STRN3: variants seen among roughly 807,000 people sequenced by gnomAD.
The protein encoded by STRN3 is striatin 3.
Under a neutral mutation model 95.6 loss-of-function variants are expected in STRN3, and 29 were observed. The ratio of observed to expected loss-of-function variants is 0.30; its 90% CI spans 0.23 to 0.41. The LOEUF is 0.41. Among genes scored for constraint, STRN3 ranks in the 10% least tolerant of loss-of-function variants. The probability of loss-of-function intolerance (pLI) is 1.00; values close to 1 mark genes in which losing one functional copy is unlikely to be tolerated. For missense variants in STRN3, 890 were observed against 972.1 expected (o/e 0.92, Z 1.12); for synonymous variants, 331 against 357.6 (o/e 0.93, Z 0.84).
intron 1 of STRN3, among the ~76,000 whole-genome samples, chr14:30,979,668 C>T (rs538171671): frequency 1.3e-5 from 2 of 152,166 alleles, no homozygotes; most frequent in Admixed American, 1.3e-4. Context: ...GGCACCATCT[C>T]GGCTCACTGA....
chr14:30,980,928 T>TA (rs1396405229), intron 1 of STRN3, among the ~76,000 whole-genome samples: 3 of 151,916 alleles, frequency 2.0e-5, no homozygotes, highest in East Asian at 3.9e-4. Flanking sequence ...AAAAAAAACT[T>TA]AAATATTTTA....
rs778871263 is a variant in STRN3 at position 31,026,189 on chromosome 14, G to A, written c.-4C>T. The A allele has an allele frequency of 2.1e-6, 3 of 1,439,484 alleles. No homozygotes were observed. Among genetic ancestry groups the A allele is most frequent in the Non-Finnish European group, 9.0e-7 (1 of 1,106,376 alleles). The allele number at this position is 1,439,484 out of a possible 1,614,324, so 89.2% of individuals were successfully genotyped here. On this transcript the variant is annotated 5_prime_UTR_variant, in exon 1 of 18. Transcript: ENST00000357479. ...CGCCTCCGGCAAGCTCGTCCATTGTGTGTGGGGCCCCGGCCGGGGCGCAGG... is the reference window on the plus strand; with the variant it reads ...CGCCTCCGGCAAGCTCGTCCATTGTATGTGGGGCCCCGGCCGGGGCGCAGG...
chr14:30,908,020 C>T (rs972304549), intron 13 of STRN3, among the ~76,000 whole-genome samples: 1 of 152,274 alleles, frequency 6.6e-6, no homozygotes, highest in African/African-American at 2.4e-5. Context: ...TATCCCCCAT[C>T]TTCTTGCTGC....
At chr14:30,914,771 T>C (rs559179637) in intron 9 of STRN3, among the ~76,000 whole-genome samples, 25 of 152,354 alleles carry the variant, frequency 1.6e-4, no homozygotes, top group Admixed American at 1.6e-3. Flanking sequence ...CTGATCAGAT[T>C]TGCCATTTCA....
chr14:30,901,704 AAAACAAAC>A (rs895517870), intron 16 of STRN3, among the ~76,000 whole-genome samples: 2 of 152,264 alleles, frequency 1.3e-5, no homozygotes, highest in South Asian at 2.1e-4. Flanking sequence ...AAAGAGGCCC[AAAACAAAC>A]AAACAAACAA....
chr14:30,913,554 C>G lies in STRN3; in HGVS notation c.1344G>C (p.Thr448=), dbSNP rs753241184. 3.1e-6 allele frequency: 5 copies of G among 1,612,504 alleles called. No homozygotes were observed. Residue 448 remains threonine, a synonymous_variant, in exon 10 of 18, where the codon ACG becomes ACC. Transcript: ENST00000357479. ...VLGLGDLADL[T]VTNDADYSYD... is the part of the protein sequence containing the mutation. The stretch of plus-strand genomic sequence containing the variant: ...AACTATAGTCTGCATCATTTGTTAC[C>G]GTCAAGTCTGCAAGGTCTCCAAGGC...
In STRN3 at chr14:30,957,741, A is replaced by G. The variant is rs542525081; in HGVS notation, c.283-1499T>C. ...TGTCAGCCTGCTTTAACCACCTCAC[A>G]CTAAAGAATAATGTTGAAAGAGACT... On this transcript the variant is annotated intron_variant, in intron 1 of 17. Coordinates refer to ENST00000357479, the MANE Select transcript of STRN3 (RefSeq NM_001083893.2). Among the ~76,000 whole-genome samples the G allele has an allele frequency of 1.1e-4, 16 of 152,242 alleles. No individual in the cohort carries two copies. In the East Asian group the frequency reaches 2.9e-3, roughly 28 times the overall value.
intron 1 of STRN3, among the ~76,000 whole-genome samples, chr14:31,021,382 A>AG (rs1883498758): frequency 2.0e-5 from 3 of 152,102 alleles, no homozygotes; most frequent in Admixed American, 1.3e-4. Context: ...GTCAGAAAAA[A>AG]TAAAAAAAAG....
In STRN3 at chr14:31,009,297, G is replaced by A. The variant is rs192820584; in HGVS notation, c.282+16607C>T. On this transcript the variant is annotated intron_variant, in intron 1 of 17. Coordinates refer to ENST00000357479, the MANE Select transcript of STRN3 (RefSeq NM_001083893.2). ...TTGTATATCAGGGTTTCCCAACCTC[G>A]GCAATTATTAACATTTTGGGCTAAT... is the stretch of plus-strand genomic sequence containing the variant. Among the ~76,000 whole-genome samples the A allele has an allele frequency of 2.2e-4, 34 of 152,078 alleles. No individual in the cohort carries two copies. The East Asian group carries it at 5.8e-3, about 26-fold the overall frequency.
At chr14:30,922,383 A>G (rs935368075) in intron 8 of STRN3, among the ~76,000 whole-genome samples, 1 of 152,168 alleles carries the variant, frequency 6.6e-6, no homozygotes, top group East Asian at 1.9e-4. Flanking sequence ...ACAAATACAA[A>G]GTCCTATATA....
intron 1 of STRN3, among the ~76,000 whole-genome samples, chr14:30,999,636 G>C (rs528473194): frequency 4.6e-5 from 7 of 151,978 alleles, no homozygotes; most frequent in Non-Finnish European, 7.4e-5. Flanking sequence ...GAACCAGAAA[G>C]AACAAATAAT....
At chr14:31,005,872 C>CT (rs1566488170) in intron 1 of STRN3, among the ~76,000 whole-genome samples, 1 of 152,182 alleles carries the variant, frequency 6.6e-6, no homozygotes, top group Non-Finnish European at 1.5e-5. Context: ...AATCCCAGTA[C>CT]TTTGGGAGGC....
At chr14:31,003,886 T>C (rs563897139) in intron 1 of STRN3, among the ~76,000 whole-genome samples, 240 of 150,732 alleles carry the variant, frequency 1.6e-3, no homozygotes, top group African/African-American at 5.2e-3. Flanking sequence ...TGGTGGTTCA[T>C]GCCTATAATC....
chr14:30,944,355 T>C (rs912178896), intron 5 of STRN3, among the ~76,000 whole-genome samples: 3 of 151,862 alleles, frequency 2.0e-5, no homozygotes, highest in Admixed American at 6.6e-5. Context: ...AAGGGCTCTA[T>C]CTGATGTCAA....
At chr14:30,901,858 G>A (rs1217773878) in intron 16 of STRN3, among the ~76,000 whole-genome samples, 1 of 152,116 alleles carries the variant, frequency 6.6e-6, no homozygotes, top group Non-Finnish European at 1.5e-5. Context: ...TTGATCCACT[G>A]AGACATAGTT....
intron 7 of STRN3, among the ~76,000 whole-genome samples, chr14:30,931,294 C>T (rs1878524243): frequency 6.6e-6 from 1 of 152,024 alleles, no homozygotes; most frequent in Non-Finnish European, 1.5e-5. Context: ...AGGGAAGAGA[C>T]AGCAAAATCT....
chr14:30,916,262 T>C (rs917158777), intron 9 of STRN3, among the ~76,000 whole-genome samples: 2 of 151,546 alleles, frequency 1.3e-5, no homozygotes, highest in Admixed American at 1.3e-4. Flanking sequence ...AATGTAATTA[T>C]TTAAACAAGT....
chr14:30,941,908 G>A (rs965570970), intron 5 of STRN3, among the ~76,000 whole-genome samples: 3 of 151,984 alleles, frequency 2.0e-5, no homozygotes, highest in African/African-American at 4.8e-5. Flanking sequence ...TTACAGGCGT[G>A]AGCCACCATG....
chr14:31,003,735 T>C (rs1882579314), intron 1 of STRN3, among the ~76,000 whole-genome samples: 1 of 148,356 alleles, frequency 6.7e-6, no homozygotes, highest in Non-Finnish European at 1.5e-5. Context: ...TCACCCAGCC[T>C]GAAGTGTTCC....
Sources: gnomAD v4.1 joint callset for allele counts (sites outside exome capture counted in the v4.1 genomes callset) on GRCh38, gnomAD v4.1.1 for gene constraint, MANE v1.5 for transcripts, NCBI Gene and HGNC (gene_info 2026-07-23, HGNC 2026-07-21) for gene names.